The following AGBL4 variants were observed in gnomAD, a reference collection of about 807,000 sequenced individuals.
AGBL4 encodes cytosolic carboxypeptidase 6.
In AGBL4, 58 loss-of-function variants were observed where a neutral mutation model predicts 66.4. The ratio of observed to expected loss-of-function variants is 0.87; its 90% CI spans 0.71 to 1.09. The LOEUF is 1.09. Ranked by LOEUF, AGBL4 falls within the 50% of genes least tolerant of loss-of-function variation. AGBL4 has a pLI of 0.00. For missense variants in AGBL4, 579 were observed against 631.0 expected (o/e 0.92, Z 0.88); for synonymous variants, 234 against 222.9 (o/e 1.05, Z -0.44).
intron 6 of AGBL4, among the ~76,000 whole-genome samples, chr1:48,839,875 C>T (rs1306719203): frequency 2.0e-5 from 3 of 152,044 alleles, no homozygotes; most frequent in East Asian, 1.9e-4. Flanking sequence ...GTATCAACTG[C>T]GGCCAAATTT....
At chr1:49,173,183 T>A (rs952055847) in intron 4 of AGBL4, among the ~76,000 whole-genome samples, 1 of 152,040 alleles carries the variant, frequency 6.6e-6, no homozygotes, top group African/African-American at 2.4e-5. Context: ...CAAAAATACA[T>A]CTTAAGACAG....
At chr1:49,214,593 T>C (rs1570095055) in intron 4 of AGBL4, among the ~76,000 whole-genome samples, 1 of 152,220 alleles carries the variant, frequency 6.6e-6, no homozygotes, top group African/African-American at 2.4e-5. Flanking sequence ...ACAATGAAAC[T>C]GAGGCACAAG....
intron 6 of AGBL4, among the ~76,000 whole-genome samples, chr1:48,814,725 T>A (rs1264314760): frequency 1.3e-5 from 2 of 151,928 alleles, no homozygotes; most frequent in Non-Finnish European, 2.9e-5. Context: ...CATGTTGCCA[T>A]AAATGACAGG....
intron 2 of AGBL4, among the ~76,000 whole-genome samples, chr1:49,762,357 C>T (rs775308507): frequency 1.3e-4 from 19 of 151,576 alleles, no homozygotes; most frequent in Admixed American, 2.6e-4. Context: ...TACCTGTTGG[C>T]CATTTGTATG....
chr1:49,696,314 A>T lies in AGBL4; in HGVS notation c.282+999T>A, dbSNP rs532057295. Among the ~76,000 whole-genome samples the T allele has an allele frequency of 4.3e-4, 66 of 152,194 alleles. 1 individual carries two copies. In the South Asian group the frequency reaches 0.014, roughly 32 times the overall value. ...GTTTTTAGTTCCCTTTATTTTCATC[A>T]ATACTGTCTCTCATGAAAAATAGGA... On this transcript the variant is annotated intron_variant, in intron 3 of 13. Coordinates refer to ENST00000371839, the MANE Select transcript of AGBL4 (RefSeq NM_032785.4).
chr1:49,384,345 G>A (rs1047813740), intron 3 of AGBL4, among the ~76,000 whole-genome samples: 14 of 152,064 alleles, frequency 9.2e-5, no homozygotes, highest in Admixed American at 9.2e-4. Flanking sequence ...TGTAATCCCA[G>A]CATTTTGGGA....
chr1:49,071,064 G>A (rs755719521), intron 4 of AGBL4, among the ~76,000 whole-genome samples: 1 of 151,908 alleles, frequency 6.6e-6, no homozygotes, highest in Non-Finnish European at 1.5e-5. Flanking sequence ...ACGGTAGTTT[G>A]TATTTCTGTG....
chr1:49,481,905 C>A (rs912175352), intron 3 of AGBL4, among the ~76,000 whole-genome samples: 6 of 150,724 alleles, frequency 4.0e-5, no homozygotes, highest in African/African-American at 1.5e-4. Context: ...GTCTTTAGTT[C>A]TATTTGTGTG....
the AGBL4 span, among the ~76,000 whole-genome samples, chr1:48,526,835 T>C: frequency 1.3e-5 from 2 of 152,042 alleles, no homozygotes; most frequent in Non-Finnish European, 2.9e-5. Context: ...CTAATTGCCT[T>C]GGGCTGTGAA....
At chr1:48,713,750 A>G (rs1239568489) in intron 6 of AGBL4, among the ~76,000 whole-genome samples, 3 of 152,154 alleles carry the variant, frequency 2.0e-5, no homozygotes, top group Middle Eastern at 3.2e-3. Context: ...CTGCTTGGCC[A>G]GTAGCACTTA....
intron 11 of AGBL4, among the ~76,000 whole-genome samples, chr1:48,572,410 G>A (rs1644580135): frequency 1.3e-5 from 2 of 151,752 alleles, no homozygotes; most frequent in Non-Finnish European, 2.9e-5. Context: ...AGCTAAGGCG[G>A]AAGAAAAAGA....
chr1:49,944,598 C>T lies in AGBL4; in HGVS notation c.34+79165G>A, dbSNP rs142748200. On this transcript the variant is annotated intron_variant, in intron 1 of 13. Coordinates refer to ENST00000371839, the MANE Select transcript of AGBL4 (RefSeq NM_032785.4). ...TAGACCTTCCCTCTGACAGAACCTA[C>T]CCAAATGAGAAGGAATCAGAATTGA... Among the ~76,000 whole-genome samples the T allele has an allele frequency of 2.6e-3, 397 of 152,074 alleles. 1 individual carries two copies. Among genetic ancestry groups the T allele is most frequent in the African/African-American group, 9.3e-3 (384 of 41,498 alleles).
intron 4 of AGBL4, among the ~76,000 whole-genome samples, chr1:49,237,323 G>C (rs1315048320): frequency 6.6e-6 from 1 of 150,642 alleles, no homozygotes; most frequent in African/African-American, 2.4e-5. Flanking sequence ...AGCTCTCTCT[G>C]CCTGCCACCA....
intron 9 of AGBL4, among the ~76,000 whole-genome samples, chr1:48,601,915 G>T (rs1202994438): frequency 6.6e-6 from 1 of 152,090 alleles, no homozygotes; most frequent in Non-Finnish European, 1.5e-5. Flanking sequence ...GTCTGAGCAG[G>T]AAAACAAGAC....
intron 4 of AGBL4, among the ~76,000 whole-genome samples, chr1:49,085,661 C>T (rs1039553851): frequency 1.3e-5 from 2 of 151,762 alleles, no homozygotes; most frequent in African/African-American, 2.4e-5. Context: ...CAGAGAATAG[C>T]GAATCTGGTT....
At chr1:48,907,689 G>A (rs1201842407) in intron 5 of AGBL4, among the ~76,000 whole-genome samples, 1 of 152,116 alleles carries the variant, frequency 6.6e-6, no homozygotes, top group African/African-American at 2.4e-5. Flanking sequence ...AACTTTTGCT[G>A]GGTACATGCT....
chr1:48,617,668 C>CGGGCTG (rs745713501), intron 9 of AGBL4, among the ~76,000 whole-genome samples: 6 of 152,146 alleles, frequency 3.9e-5, no homozygotes, highest in Admixed American at 1.3e-4. Flanking sequence ...TTCTGTCCTA[C>CGGGCTG]GGGCTGGCCG....
At chr1:48,874,919 ATCT>A (rs1260991478) in intron 5 of AGBL4, among the ~76,000 whole-genome samples, 7 of 152,160 alleles carry the variant, frequency 4.6e-5, no homozygotes, top group Non-Finnish European at 8.8e-5. Context: ...CCTTGACAAG[ATCT>A]TCTTTCTACC....
At chr1:49,543,550 C>T (rs1369063278) in intron 3 of AGBL4, among the ~76,000 whole-genome samples, 12 of 151,924 alleles carry the variant, frequency 7.9e-5, no homozygotes, top group Admixed American at 5.2e-4. Flanking sequence ...TGTAAGGAGC[C>T]GAGAATACTG....
Sources: gnomAD v4.1 joint callset for allele counts (sites outside exome capture counted in the v4.1 genomes callset) on GRCh38, gnomAD v4.1.1 for gene constraint, MANE v1.5 for transcripts, NCBI Gene and HGNC (gene_info 2026-07-23, HGNC 2026-07-21) for gene names.